Variants in CATSPERT observed in about 807,000 individuals in gnomAD.
CATSPERT encodes catsper channel auxiliary subunit tau.
At chr2:201,541,334 T>G in the CATSPERT span, among the ~76,000 whole-genome samples, 1 of 151,818 alleles carries the variant, frequency 6.6e-6, no homozygotes, top group Non-Finnish European at 1.5e-5. Context: ...TCAAACACCA[T>G]CGCATACTAC....
the CATSPERT span, among the ~76,000 whole-genome samples, chr2:201,592,128 T>C: frequency 1.3e-5 from 2 of 152,158 alleles, no homozygotes; most frequent in African/African-American, 4.8e-5. Context: ...GGGTTTGTCA[T>C]AGATAGCTCT....
chr2:201,578,989 A>G, the CATSPERT span, among the ~76,000 whole-genome samples: 1 of 152,158 alleles, frequency 6.6e-6, no homozygotes, highest in Non-Finnish European at 1.5e-5. Context: ...TATCTGATTT[A>G]ACAGTATGCC....
At chr2:201,575,398 G>A in the CATSPERT span, 3 of 1,253,472 alleles carry the variant, frequency 2.4e-6, no homozygotes, top group African/African-American at 4.6e-5. Context: ...GAAACCAAGG[G>A]TCCCCAACCC....
chr2:201,542,822 GT>G, the CATSPERT span, among the ~76,000 whole-genome samples: 1 of 151,996 alleles, frequency 6.6e-6, no homozygotes, highest in Non-Finnish European at 1.5e-5. Context: ...TCACTCTGTT[GT>G]TTCCTTTACT....
At chr2:201,543,646 T>C in the CATSPERT span, among the ~76,000 whole-genome samples, 2 of 152,192 alleles carry the variant, frequency 1.3e-5, no homozygotes, top group African/African-American at 4.8e-5. Flanking sequence ...ATTTCTTTTT[T>C]GGATAGTTCA....
the CATSPERT span, among the ~76,000 whole-genome samples, chr2:201,598,390 C>T: frequency 4.6e-5 from 7 of 152,038 alleles, no homozygotes; most frequent in African/African-American, 1.7e-4. Context: ...TAGGCGTGAG[C>T]CACTATGCTC....
At chr2:201,560,671 G>A in the CATSPERT span, among the ~76,000 whole-genome samples, 1 of 151,970 alleles carries the variant, frequency 6.6e-6, no homozygotes, top group Non-Finnish European at 1.5e-5. Flanking sequence ...AAGAAGAGAA[G>A]CTCCTATAAT....
At chr2:201,522,378 G>A in the CATSPERT span, among the ~76,000 whole-genome samples, 1 of 152,066 alleles carries the variant, frequency 6.6e-6, no homozygotes. Context: ...ACACAGCCAG[G>A]AAGAGCTTCC....
the CATSPERT span, among the ~76,000 whole-genome samples, chr2:201,525,236 A>T: frequency 9.2e-5 from 14 of 152,224 alleles, no homozygotes; most frequent in South Asian, 1.2e-3. Flanking sequence ...CAGTAAATTT[A>T]AAAAAAATTA....
At chr2:201,583,818 A>T in the CATSPERT span, among the ~76,000 whole-genome samples, 1 of 152,170 alleles carries the variant, frequency 6.6e-6, no homozygotes, top group Non-Finnish European at 1.5e-5. Flanking sequence ...CACCTTAAAT[A>T]TTGGAATTTT....
At chr2:201,559,709 C>T in the CATSPERT span, among the ~76,000 whole-genome samples, 1 of 152,224 alleles carries the variant, frequency 6.6e-6, no homozygotes, top group Non-Finnish European at 1.5e-5. Context: ...GACTAAACTA[C>T]TGGATCCACC....
chr2:201,550,865 C>G, the CATSPERT span: 1 of 152,184 alleles, frequency 6.6e-6, no homozygotes, highest in Non-Finnish European at 1.5e-5. Context: ...CTGGTTTCCA[C>G]CACAAAACAA....
chr2:201,505,576 G>T, the CATSPERT span, among the ~76,000 whole-genome samples: 1 of 152,018 alleles, frequency 6.6e-6, no homozygotes, highest in African/African-American at 2.4e-5. Flanking sequence ...ACATTCTGCA[G>T]GATACCTGGC....
At chr2:201,511,075 A>G in the CATSPERT span, among the ~76,000 whole-genome samples, 1 of 152,228 alleles carries the variant, frequency 6.6e-6, no homozygotes, top group Admixed American at 6.5e-5. Flanking sequence ...ACTCATTAAT[A>G]ATCAGGAAAA....
At chr2:201,570,458 A>G in the CATSPERT span, among the ~76,000 whole-genome samples, 15 of 152,230 alleles carry the variant, frequency 9.9e-5, no homozygotes, top group African/African-American at 3.6e-4. Context: ...TAATTTTATA[A>G]ATAGGTAACA....
At chr2:201,518,103 T>G in the CATSPERT span, among the ~76,000 whole-genome samples, 1 of 152,138 alleles carries the variant, frequency 6.6e-6, no homozygotes, top group Non-Finnish European at 1.5e-5. Flanking sequence ...TGGGCCCTAT[T>G]AAAAGGATGC....
chr2:201,527,378 T>C, the CATSPERT span, among the ~76,000 whole-genome samples: 2 of 152,138 alleles, frequency 1.3e-5, no homozygotes, highest in South Asian at 2.1e-4. Flanking sequence ...AAACCACCAA[T>C]GACATTCTTT....
chr2:201,545,488 T>C, the CATSPERT span: 28 of 1,174,566 alleles, frequency 2.4e-5, no homozygotes, highest in African/African-American at 3.8e-4. Context: ...TTTTGTGATA[T>C]AATCACTTTG....
At chr2:201,568,303 C>T in the CATSPERT span, among the ~76,000 whole-genome samples, 29 of 152,266 alleles carry the variant, frequency 1.9e-4, 1 homozygote, top group African/African-American at 6.7e-4. Context: ...GACCAGTCTG[C>T]TATTTTGTGG....
Sources: allele counts gnomAD v4.1 joint callset (sites outside exome capture counted in the v4.1 genomes callset), GRCh38; gene constraint gnomAD v4.1.1; transcripts MANE v1.5; gene names NCBI Gene and HGNC (gene_info 2026-07-23, HGNC 2026-07-21).